The following BCCIP variants were observed in gnomAD, a reference collection of about 807,000 sequenced individuals.
BCCIP encodes the protein BRCA2 and CDKN1A interacting protein, also known as BRCA2 and CDKN1A-interacting protein.
Under a neutral mutation model 32.8 loss-of-function variants are expected in BCCIP, and 23 were observed. The observed-to-expected ratio is 0.70, with a 90% CI of 0.51 to 0.99. BCCIP has a LOEUF of 0.99. Ranked by LOEUF, BCCIP falls within the 50% of genes least tolerant of loss-of-function variation. The pLI, the probability that BCCIP is intolerant of heterozygous loss-of-function variation, is 0.00. For synonymous variants in BCCIP, 144 were observed against 137.6 expected (o/e 1.05, Z -0.33); for missense variants, 378 against 379.8 (o/e 1.00, Z 0.04).
chr10:125,828,132 T>G (rs936794079), intron 3 of BCCIP, among the ~76,000 whole-genome samples: 3 of 152,060 alleles, frequency 2.0e-5, no homozygotes, highest in African/African-American at 7.2e-5. Context: ...AGTGGGCTCA[T>G]TTAGAAAATA....
downstream of BCCIP, chr10:125,838,314 A>T (rs1854763960): frequency 6.2e-7 from 1 of 1,613,940 alleles, no homozygotes; most frequent in Non-Finnish European, 8.5e-7. Flanking sequence ...GTAACCAGAC[A>T]GGGGATGCAG....
At chr10:125,831,803 C>T (rs1009675709) in intron 5 of BCCIP, among the ~76,000 whole-genome samples, 196 bp downstream of exon 5, 1 of 152,202 alleles carries the variant, frequency 6.6e-6, no homozygotes, top group East Asian at 1.9e-4. Context: ...GAGTTTGTGA[C>T]AATAATCATG....
At chr10:125,831,163 A>G (rs1012028086) in intron 4 of BCCIP, among the ~76,000 whole-genome samples, 1 of 152,222 alleles carries the variant, frequency 6.6e-6, no homozygotes, top group Non-Finnish European at 1.5e-5. Context: ...TCTTTATGAG[A>G]TGGACTAGAG....
intron 5 of BCCIP, among the ~76,000 whole-genome samples, chr10:125,833,442 T>A (rs1197107377): frequency 6.6e-6 from 1 of 152,230 alleles, no homozygotes. Flanking sequence ...AATTCAAAAA[T>A]TCAGATTCGT....
chr10:125,852,473 G>C, intron 7 of BCCIP: 1 of 1,613,792 alleles, frequency 6.2e-7, no homozygotes, highest in Admixed American at 1.7e-5. Flanking sequence ...CAAGAAAAAT[G>C]GCTTTAATAT....
At chr10:125,838,855 T>A (rs545796355), downstream of BCCIP, 1 of 956,776 alleles carries the variant, frequency 1.0e-6, no homozygotes, top group South Asian at 1.7e-5. Context: ...AGGGGAAGGA[T>A]ACTTAAGTAC....
downstream of BCCIP, chr10:125,841,444 G>A (rs993326542): frequency 7.7e-6 from 12 of 1,552,512 alleles, no homozygotes; most frequent in Non-Finnish European, 1.0e-5. Context: ...AACACCTCTA[G>A]TGACACATTT....
rs751124789 is a variant in BCCIP, at chr10:125,833,764, C to T, written c.600-8C>T. 1.2e-6 allele frequency: 2 copies of T among 1,613,394 alleles called. No individual in the cohort carries two copies. Among genetic ancestry groups the T allele is most frequent in the Non-Finnish European group, 8.5e-7 (1 of 1,179,780 alleles). On this transcript the variant is annotated splice_polypyrimidine_tract_variant and splice_region_variant and intron_variant, in intron 5 of 6. Transcript: ENST00000278100. ...CAGGTAAACAAATGTTGTGTGTGTGCCTTGCAGGAAAGAACTGGCGGGGGC... is the reference window on the plus strand; with the variant it reads ...CAGGTAAACAAATGTTGTGTGTGTGTCTTGCAGGAAAGAACTGGCGGGGGC...
intron 5 of BCCIP, among the ~76,000 whole-genome samples, chr10:125,833,406 TCA>T (rs1044454351): frequency 6.6e-6 from 1 of 152,254 alleles, no homozygotes; most frequent in African/African-American, 2.4e-5. Flanking sequence ...TTTGTGTGTT[TCA>T]GTTAAATGTT....
chr10:125,852,695 G>C (rs1167710637), intron 7 of BCCIP: 3 of 1,492,226 alleles, frequency 2.0e-6, no homozygotes, highest in Non-Finnish European at 2.7e-6. Context: ...GATTCAGTAG[G>C]CTCACTGATC....
rs768971948 is a variant in BCCIP at position 125,823,651 on chromosome 10, G to T, written c.94G>T (p.Val32Phe). The change falls in exon 1 of 7, where the codon GTC becomes TTC. Residue 32 changes from valine to phenylalanine, a missense_variant. Transcript: ENST00000278100. ...GCGCGACGAGGAAGAGGAAAAAGAA[G>T]TCGAAAATGAGGATGAAGACGATGA... ...VQRDEEEEKE[V>F]ENEDEDDDDS... 3 of 1,614,178 alleles carry T rather than the reference G, an allele frequency of 1.9e-6. No homozygotes were observed. Among genetic ancestry groups the T allele is most frequent in the Non-Finnish European group, 1.7e-6 (2 of 1,180,028 alleles).
chr10:125,838,894 A>C (rs1403760648), downstream of BCCIP: 2 of 1,246,324 alleles, frequency 1.6e-6, no homozygotes, highest in Non-Finnish European at 2.2e-6. Context: ...ATGGATTTTT[A>C]GTTTTACTTA....
At chr10:125,823,781 C>T (rs1336852690) in intron 1 of BCCIP, 59 bp downstream of exon 1, 3 of 1,592,730 alleles carry the variant, frequency 1.9e-6, no homozygotes, top group Middle Eastern at 1.7e-4. Context: ...TTGGCAAGCC[C>T]AGGCTGTGTA....
At chr10:125,824,681 C>T (rs1420294614) in intron 1 of BCCIP, among the ~76,000 whole-genome samples, 1 of 136,400 alleles carries the variant, frequency 7.3e-6, no homozygotes, top group Non-Finnish European at 1.6e-5. Context: ...AGCTTTTAAC[C>T]GGCGTTCTTT....
chr10:125,840,804 A>G (rs1212139955), downstream of BCCIP: 1 of 1,529,728 alleles, frequency 6.5e-7, no homozygotes, highest in East Asian at 2.3e-5. Flanking sequence ...TATCTAGGGA[A>G]AGGAAGGTGG....
At position 125,833,929 on chromosome 10, in the gene BCCIP, G is replaced by A. The variant is rs776752621; in HGVS notation, c.757G>A (p.Glu253Lys). 6.2e-7 allele frequency: 1 copy of A among 1,614,072 alleles called. No individual in the cohort carries two copies. Residue 253 changes from glutamate to lysine, a missense_variant, in exon 6 of 7, where the codon GAA becomes AAA. Transcript: ENST00000278100. ...TGCGTTAATGTTTGCAAATGCAGAG[G>A]AAGAATTTTTCTATGAGGTAAGACT... ...KAALMFANAE[E>K]EFFYEKAILK... is the part of the protein sequence containing the mutation.
intron 2 of BCCIP, 126 bp downstream of exon 2, chr10:125,826,791 G>A (rs1044292585): frequency 6.9e-7 from 1 of 1,441,742 alleles, no homozygotes; most frequent in African/African-American, 1.4e-5. Context: ...CTTGAGCCCA[G>A]GAGTTTGAGA....
intron 6 of BCCIP, among the ~76,000 whole-genome samples, chr10:125,834,169 T>TGAG (rs907001456): frequency 1.3e-5 from 2 of 152,086 alleles, no homozygotes; most frequent in Non-Finnish European, 2.9e-5. Flanking sequence ...GTTATGAGCA[T>TGAG]GAGGAGGAGG....
chr10:125,837,155 A>G (rs75913208), downstream of BCCIP, among the ~76,000 whole-genome samples: 1,071 of 152,328 alleles, frequency 7.0e-3, 6 homozygotes, highest in Non-Finnish European at 0.012. Flanking sequence ...CCATCACCAT[A>G]TAAGAGGCAC....
Sources: allele counts gnomAD v4.1 joint callset (sites outside exome capture counted in the v4.1 genomes callset), GRCh38; gene constraint gnomAD v4.1.1; transcripts MANE v1.5; gene names NCBI Gene and HGNC (gene_info 2026-07-23, HGNC 2026-07-21).